Variants in GRID2 observed in about 807,000 individuals in gnomAD.
GRID2 encodes the protein glutamate ionotropic receptor delta type subunit 2.
In GRID2, 33 loss-of-function variants were observed where a neutral mutation model predicts 114.8. That is an observed-to-expected ratio of 0.29 (90% CI 0.22 to 0.38). GRID2 has a LOEUF of 0.38. Among genes scored for constraint, GRID2 ranks in the 10% least tolerant of loss-of-function variants. The pLI is 1.00. For missense variants in GRID2, 1,184 were observed against 1,257.7 expected (o/e 0.94, Z 0.89); for synonymous variants, 505 against 449.9 (o/e 1.12, Z -1.55).
chr4:93,022,086 T>G (rs1723418128), intron 2 of GRID2, among the ~76,000 whole-genome samples: 1 of 151,652 alleles, frequency 6.6e-6, no homozygotes, highest in Non-Finnish European at 1.5e-5. Context: ...CTCTTATTCT[T>G]GAATCTAAGA....
intron 1 of GRID2, among the ~76,000 whole-genome samples, chr4:92,341,672 G>A (rs1383219087): frequency 6.6e-6 from 1 of 152,078 alleles, no homozygotes; most frequent in Non-Finnish European, 1.5e-5. Context: ...TGTAATCCCA[G>A]CACTTTGGGA....
At chr4:92,384,842 G>T (rs1048416158) in intron 1 of GRID2, among the ~76,000 whole-genome samples, 2 of 149,474 alleles carry the variant, frequency 1.3e-5, no homozygotes, top group Admixed American at 1.4e-4. Flanking sequence ...TTTTCAGACG[G>T]TATTGTCCGT....
intron 1 of GRID2, among the ~76,000 whole-genome samples, chr4:92,324,279 T>G (rs1726474368): frequency 6.6e-6 from 1 of 151,990 alleles, no homozygotes. Context: ...GCTTGCACTC[T>G]CCACTCTTCT....
At chr4:92,453,734 T>C (rs1721067071) in intron 1 of GRID2, among the ~76,000 whole-genome samples, 2 of 152,194 alleles carry the variant, frequency 1.3e-5, no homozygotes, top group Admixed American at 1.3e-4. Context: ...AGAAATTAAA[T>C]TTTACGGCTT....
chr4:93,104,993 T>A (rs868757763), intron 3 of GRID2, among the ~76,000 whole-genome samples: 1 of 151,722 alleles, frequency 6.6e-6, no homozygotes. Context: ...TTTTAATGAT[T>A]GCCATTCTAA....
Position 92,430,876 on chromosome 4 carries a change from G to A in GRID2, c.88+126132G>A, listed in dbSNP as rs138563413. ...TTTTATTTGTAGCTGTTGTAAATGG[G>A]ATTACTTTCTTGATTCCTTTTTCAG... On this transcript the variant is annotated intron_variant, in intron 1 of 15. Coordinates refer to ENST00000282020, the MANE Select transcript of GRID2 (RefSeq NM_001510.4). Among the ~76,000 whole-genome samples the A allele has an allele frequency of 8.7e-3, 1,322 of 152,116 alleles. 19 individuals carry two copies. The highest frequency in any genetic ancestry group is 0.03 in the African/African-American group (1,266 of 41,518).
chr4:93,188,295 T>C (rs1740633850), intron 4 of GRID2, among the ~76,000 whole-genome samples: 1 of 152,188 alleles, frequency 6.6e-6, no homozygotes, highest in African/African-American at 2.4e-5. Context: ...CCTGTGGAGA[T>C]GGCACTGTGC....
At chr4:92,948,729 G>T (rs1022186229) in intron 2 of GRID2, among the ~76,000 whole-genome samples, 1 of 151,918 alleles carries the variant, frequency 6.6e-6, no homozygotes, top group Admixed American at 6.6e-5. Context: ...CTGTTTGACA[G>T]TTTACCATAC....
At chr4:92,951,485 T>TAC (rs1416055416) in intron 2 of GRID2, among the ~76,000 whole-genome samples, 1 of 151,880 alleles carries the variant, frequency 6.6e-6, no homozygotes, top group Non-Finnish European at 1.5e-5. Flanking sequence ...GGACTACAGG[T>TAC]ACACTCCACC....
intron 1 of GRID2, among the ~76,000 whole-genome samples, chr4:92,377,080 C>T (rs918941149): frequency 2.0e-5 from 3 of 152,152 alleles, no homozygotes; most frequent in African/African-American, 7.2e-5. Flanking sequence ...TGAATTTCTC[C>T]TCAGAAAATG....
intron 4 of GRID2, among the ~76,000 whole-genome samples, chr4:93,180,075 A>C (rs1026797898): frequency 1.3e-5 from 2 of 152,118 alleles, no homozygotes; most frequent in Non-Finnish European, 2.9e-5. Context: ...TCATTTACCC[A>C]GTTACTCAGG....
At chr4:92,482,373 G>A (rs1023154266) in intron 1 of GRID2, among the ~76,000 whole-genome samples, 1 of 151,670 alleles carries the variant, frequency 6.6e-6, no homozygotes, top group Admixed American at 6.6e-5. Flanking sequence ...TACTTATTGG[G>A]TACTATGCTC....
At chr4:93,123,095 C>G (rs1308655138) in intron 4 of GRID2, among the ~76,000 whole-genome samples, 1 of 151,938 alleles carries the variant, frequency 6.6e-6, no homozygotes, top group Non-Finnish European at 1.5e-5. Context: ...TCCAATGAGT[C>G]TAAACTTCCA....
At chr4:93,608,373 C>A (rs1044324859) in intron 13 of GRID2, among the ~76,000 whole-genome samples, 6 of 128,028 alleles carry the variant, frequency 4.7e-5, no homozygotes, top group Non-Finnish European at 6.3e-5. Flanking sequence ...AGGTTAGTTA[C>A]ATAGGTATAC....
rs575863745 is a variant in GRID2, at chr4:93,338,393, G to A, written c.1246-57214G>A. On this transcript the variant is annotated intron_variant, in intron 8 of 15. Transcript: ENST00000282020. ...TTACAAGTCGCCAATTTGCCATAGC[G>A]AAGCATGCAGTTGGGAGGGGACGTG... Among the ~76,000 whole-genome samples, 115 of 152,176 alleles carry A rather than the reference G, an allele frequency of 7.6e-4. 1 individual carries two copies. Among genetic ancestry groups the A allele is most frequent in the African/African-American group, 2.7e-3 (112 of 41,506 alleles).
chr4:92,949,178 G>C (rs962870975), intron 2 of GRID2, among the ~76,000 whole-genome samples: 10 of 151,698 alleles, frequency 6.6e-5, no homozygotes, highest in Admixed American at 1.3e-4. Context: ...GAGAGAGAGA[G>C]AAGGAGGGAG....
chr4:93,107,241 A>G (rs1362771282), intron 3 of GRID2, among the ~76,000 whole-genome samples: 4 of 152,094 alleles, frequency 2.6e-5, no homozygotes, highest in South Asian at 2.1e-4. Context: ...GGAGGTTGCA[A>G]TGAGCTGATG....
chr4:93,409,102 A>T (rs1000848846), intron 9 of GRID2, among the ~76,000 whole-genome samples: 2 of 152,128 alleles, frequency 1.3e-5, no homozygotes, highest in Admixed American at 6.5e-5. Context: ...AAATGACTTA[A>T]TACCATTGGG....
intron 2 of GRID2, among the ~76,000 whole-genome samples, chr4:92,706,386 TAATA>T (rs1298291205): frequency 6.6e-6 from 1 of 152,220 alleles, no homozygotes; most frequent in African/African-American, 2.4e-5. Flanking sequence ...TTTGTTATTT[TAATA>T]AATGTCATGT....
Sources: gnomAD v4.1 joint callset for allele counts (sites outside exome capture counted in the v4.1 genomes callset) on GRCh38, gnomAD v4.1.1 for gene constraint, MANE v1.5 for transcripts, NCBI Gene and HGNC (gene_info 2026-07-23, HGNC 2026-07-21) for gene names.